Variants in FOCAD observed in about 807,000 individuals in gnomAD.
FOCAD encodes the protein focadhesin, also known as KIAA1797.
In FOCAD, 198 loss-of-function variants were observed where a neutral mutation model predicts 225.6. The observed-to-expected ratio is 0.88, with a 90% CI of 0.78 to 0.99. The LOEUF is 0.99. Ranked by LOEUF, FOCAD falls within the 50% of genes least tolerant of loss-of-function variation. FOCAD has a pLI of 0.00. For missense variants in FOCAD, 2,713 were observed against 2,123.6 expected, an observed-to-expected ratio of 1.28 and a Z score of -5.46; for synonymous variants, 897 against 755.0, an observed-to-expected ratio of 1.19 and a Z score of -3.08.
intron 11 of FOCAD, among the ~76,000 whole-genome samples, chr9:20,793,658 G>A (rs1169700850): frequency 6.6e-6 from 1 of 152,182 alleles, no homozygotes; most frequent in Non-Finnish European, 1.5e-5. Context: ...AGGAGAAGGA[G>A]TCCAAAACTG....
At chr9:20,755,098 G>A (rs1252382399) in intron 5 of FOCAD, among the ~76,000 whole-genome samples, 1 of 152,200 alleles carries the variant, frequency 6.6e-6, no homozygotes, top group East Asian at 1.9e-4. Flanking sequence ...GGAAGATTCA[G>A]TGTTCTCCTC....
intron 15 of FOCAD, among the ~76,000 whole-genome samples, chr9:20,824,012 C>T (rs970430095): frequency 3.3e-5 from 5 of 152,012 alleles, no homozygotes; most frequent in Non-Finnish European, 5.9e-5. Flanking sequence ...GAATACACTT[C>T]TATTATTTTT....
intron 16 of FOCAD, among the ~76,000 whole-genome samples, chr9:20,865,023 A>G (rs538393118): frequency 6.6e-6 from 1 of 152,252 alleles, no homozygotes; most frequent in African/African-American, 2.4e-5. Flanking sequence ...GTGAAAGCTG[A>G]TGTCTGAATC....
At chr9:20,947,632 A>C (rs1421057337) in intron 30 of FOCAD, among the ~76,000 whole-genome samples, 1 of 152,154 alleles carries the variant, frequency 6.6e-6, no homozygotes, top group Non-Finnish European at 1.5e-5. Flanking sequence ...ATTCACAGTA[A>C]AGATGATAAA....
At chr9:20,703,160 G>A (rs1417204961) in intron 1 of FOCAD, among the ~76,000 whole-genome samples, 1 of 150,674 alleles carries the variant, frequency 6.6e-6, no homozygotes, top group South Asian at 2.1e-4. Context: ...GCAGTGGCAA[G>A]TAGGGGACTA....
chr9:20,742,281 T>A (rs898557280), intron 5 of FOCAD, among the ~76,000 whole-genome samples: 3 of 152,246 alleles, frequency 2.0e-5, no homozygotes, highest in Non-Finnish European at 4.4e-5. Flanking sequence ...GTTTTAAAAG[T>A]GTCCTAGGTG....
intron 8 of FOCAD, among the ~76,000 whole-genome samples, chr9:20,776,302 C>G (rs1307592499): frequency 6.6e-6 from 1 of 152,222 alleles, no homozygotes; most frequent in Non-Finnish European, 1.5e-5. Flanking sequence ...GCAAGAGGTG[C>G]ATGGTGGAGC....
At chr9:20,832,893 T>C (rs933364498) in intron 15 of FOCAD, among the ~76,000 whole-genome samples, 2 of 152,116 alleles carry the variant, frequency 1.3e-5, no homozygotes, top group South Asian at 4.1e-4. Flanking sequence ...CTATTGTGAA[T>C]AATGCTTTAA....
At chr9:20,944,881 C>T in intron 29 of FOCAD, 107 bp downstream of exon 29, 1 of 1,193,368 alleles carries the variant, frequency 8.4e-7, no homozygotes, top group Non-Finnish European at 1.1e-6. Context: ...TTAAATTCTT[C>T]CTCAAAGAGA....
chr9:20,962,194 A>G (rs540304721), intron 35 of FOCAD, among the ~76,000 whole-genome samples: 7 of 152,122 alleles, frequency 4.6e-5, no homozygotes, highest in East Asian at 1.9e-4. Flanking sequence ...ATACTTTCCT[A>G]TATATTTTCA....
At chr9:20,737,835 C>T (rs1262261778) in intron 4 of FOCAD, among the ~76,000 whole-genome samples, 1 of 152,216 alleles carries the variant, frequency 6.6e-6, no homozygotes, top group Non-Finnish European at 1.5e-5. Flanking sequence ...TTGGAGGAGT[C>T]AGATCCCATA....
intron 2 of FOCAD, among the ~76,000 whole-genome samples, chr9:20,672,332 G>T (rs1380394004): frequency 6.6e-6 from 1 of 152,166 alleles, no homozygotes. Flanking sequence ...AAAGCTATGG[G>T]AGCTGGTTTG....
At chr9:20,842,585 C>A (rs1230382298) in intron 15 of FOCAD, among the ~76,000 whole-genome samples, 1 of 151,900 alleles carries the variant, frequency 6.6e-6, no homozygotes, top group African/African-American at 2.4e-5. Context: ...TCTTTTCCAT[C>A]CCCTTTATTT....
chr9:20,717,858 C>T lies in FOCAD; in HGVS notation c.122C>T (p.Ser41Phe). The T allele has an allele frequency of 6.2e-7, 1 of 1,611,952 alleles. No individual in the cohort carries two copies. The highest frequency in any genetic ancestry group is 8.5e-7 in the Non-Finnish European group (1 of 1,178,830). The change falls in exon 3 of 44, where the codon TCT becomes TTT. Residue 41 changes from serine (S) to phenylalanine (F), a missense_variant. Transcript: ENST00000338382. ...GGTTTTTCAGAAAAGATTCACCAAT[C>T]TACAAATCAGGTCTGTGTTTAACTT... ...ENGFSEKIHQ[S>F]TNQTPALNLL...
rs780481117 is a variant in FOCAD, at chr9:20,865,956, T to A, written c.2086T>A (p.Trp696Arg). 3.1e-6 allele frequency: 5 copies of A among 1,609,088 alleles called. No homozygotes were observed. The African/African-American group carries it at 5.4e-5, about 17-fold the overall frequency. ...TAAAGTTCAAGTCCTCAGCTTCCTC[T>A]GGACTCATACTCAAAACAAGGTACT... ...NFKVQVLSFL[W>R]THTQNKDPIV... Residue 696 changes from tryptophan to arginine, a missense_variant, in exon 17 of 44, where the codon TGG (tryptophan) becomes AGG (arginine). Coordinates refer to ENST00000338382, the MANE Select transcript of FOCAD (RefSeq NM_001375567.1).
At chr9:20,664,355 A>T (rs1190476897) in intron 2 of FOCAD, among the ~76,000 whole-genome samples, 1 of 150,644 alleles carries the variant, frequency 6.6e-6, no homozygotes. Flanking sequence ...AAAAAGTAAT[A>T]GTTCAATTAA....
At chr9:20,867,684 T>C (rs1484937545) in intron 18 of FOCAD, among the ~76,000 whole-genome samples, 1 of 152,102 alleles carries the variant, frequency 6.6e-6, no homozygotes, top group African/African-American at 2.4e-5. Context: ...ATTTCTTATT[T>C]AGTGCCACTA....
intron 28 of FOCAD, among the ~76,000 whole-genome samples, chr9:20,942,802 A>G (rs556042893): frequency 1.3e-5 from 2 of 152,302 alleles, no homozygotes; most frequent in South Asian, 2.1e-4. Context: ...TAATCAACCA[A>G]TACCCCAAAT....
intron 35 of FOCAD, among the ~76,000 whole-genome samples, chr9:20,965,848 T>C (rs1163087089): frequency 2.6e-5 from 4 of 152,324 alleles, no homozygotes; most frequent in Admixed American, 6.5e-5. Flanking sequence ...ATTCGCATTG[T>C]AGCAAGTATC....
Sources: allele counts gnomAD v4.1 joint callset (sites outside exome capture counted in the v4.1 genomes callset), GRCh38; gene constraint gnomAD v4.1.1; transcripts MANE v1.5; gene names NCBI Gene and HGNC (gene_info 2026-07-23, HGNC 2026-07-21).